Variants in SLC9A6 observed in about 807,000 individuals in gnomAD.
SLC9A6 encodes the protein solute carrier family 9 member A6.
SLC9A6 carries 6 observed loss-of-function variants against 45.3 expected under a neutral mutation model. That is an observed-to-expected ratio of 0.13 (90% CI 0.07 to 0.26). SLC9A6 has a LOEUF of 0.26. SLC9A6 is among the 10% of genes least tolerant of loss of function. The probability of loss-of-function intolerance (pLI) is 1.00; values close to 1 mark genes in which losing one functional copy is unlikely to be tolerated. For missense variants in SLC9A6, 278 were observed against 503.7 expected, an observed-to-expected ratio of 0.55 and a Z score of 4.29; for synonymous variants, 191 against 187.7, an observed-to-expected ratio of 1.02 and a Z score of -0.14.
chrX:135,976,151 C>T (rs1421387531), intron 1 of SLC9A6, among the ~76,000 whole-genome samples: 1 of 111,070 alleles, frequency 9.0e-6, no homozygotes, highest in African/African-American at 3.3e-5. Context: ...GAATTTTACA[C>T]AATACTTGAT....
chrX:136,017,995 C>A (rs1049694852), intron 11 of SLC9A6, among the ~76,000 whole-genome samples: 1 of 111,737 alleles, frequency 8.9e-6, no homozygotes, highest in Non-Finnish European at 1.9e-5. Context: ...TACAACATGG[C>A]TTCTTCCCCC....
intron 1 of SLC9A6, among the ~76,000 whole-genome samples, chrX:135,977,846 T>C (rs1203964519): frequency 8.9e-6 from 1 of 112,176 alleles, no homozygotes; most frequent in Non-Finnish European, 1.9e-5. Context: ...TGTGGTTACA[T>C]GATTCATATC....
At chrX:135,990,196 C>T (rs1371622755) in intron 2 of SLC9A6, among the ~76,000 whole-genome samples, 27 of 111,237 alleles carry the variant, frequency 2.4e-4, no homozygotes, top group African/African-American at 8.5e-4. Context: ...CTGTGTTAGC[C>T]AGGATGGTCT....
chrX:135,982,531 T>C (rs2089291725), upstream of SLC9A6, among the ~76,000 whole-genome samples: 1 of 108,630 alleles, frequency 9.2e-6, no homozygotes, highest in Non-Finnish European at 1.9e-5. Flanking sequence ...TCACCCAGTC[T>C]GGCCCAATAT....
At chrX:136,038,751 T>C (rs1254855588) in intron 16 of SLC9A6, among the ~76,000 whole-genome samples, 8 of 110,104 alleles carry the variant, frequency 7.3e-5, no homozygotes, top group African/African-American at 2.6e-4. Flanking sequence ...TTTTTTTCTT[T>C]TTTTAAAACC....
intron 3 of SLC9A6, among the ~76,000 whole-genome samples, chrX:135,996,023 C>CTTTTT (rs1167208674): frequency 3.6e-5 from 2 of 55,352 alleles, no homozygotes; most frequent in Non-Finnish European, 6.6e-5. Flanking sequence ...CAGGACTTGA[C>CTTTTT]TTTTTTTTTT....
intron 11 of SLC9A6, among the ~76,000 whole-genome samples, chrX:136,021,594 T>G (rs2071128083): frequency 8.9e-6 from 1 of 112,426 alleles, no homozygotes; most frequent in South Asian, 3.7e-4. Flanking sequence ...TGGCACGATC[T>G]CAGCTCACTG....
intron 5 of SLC9A6, 48 bp downstream of exon 5, chrX:135,998,606 T>G: frequency 1.1e-6 from 1 of 911,677 alleles, no homozygotes. Context: ...AATTATAATT[T>G]TAAAATAATA....
chrX:135,981,297 C>T (rs148627533), upstream of SLC9A6, among the ~76,000 whole-genome samples: 331 of 111,041 alleles, frequency 3.0e-3, 5 homozygotes, highest in East Asian at 0.022. Context: ...GAGGGGGAAA[C>T]GCCACACACT....
intron 14 of SLC9A6, chrX:136,029,919 C>T (rs2071290300): frequency 2.3e-6 from 1 of 431,999 alleles, no homozygotes; most frequent in East Asian, 3.9e-5. Flanking sequence ...GGAAGAGAAT[C>T]ATGGGTACAC....
intron 2 of SLC9A6, 90 bp from the exon 3 acceptor site, chrX:135,994,696 A>G (rs2089475104): frequency 1.2e-6 from 1 of 856,901 alleles, no homozygotes; most frequent in Non-Finnish European, 1.7e-6. Flanking sequence ...GAACTACCGT[A>G]AGAGATTTTC....
Position 136,024,208 on chromosome X carries a change from A to G in SLC9A6, c.1307-122A>G, listed in dbSNP as rs191051650. 552 of 701,373 alleles carry G rather than the reference A, an allele frequency of 7.9e-4. 1 individual carries two copies. The highest frequency in any genetic ancestry group is 9.4e-4 in the Non-Finnish European group (418 of 445,738). 57.8% of individuals were successfully genotyped at this position (701,373 alleles called of 1,213,427 possible). A position where few individuals can be genotyped will look rare whatever the true frequency, so the allele number is the denominator to read the frequency against. On this transcript the variant is annotated intron_variant, in intron 12 of 17. Coordinates refer to ENST00000630721, the MANE Select transcript of SLC9A6 (RefSeq NM_001379110.1). ...AGCCTGGACATATTTAAGTATGTTA[A>G]TATTTACTGCATATTTGTTCACATG...
intron 17 of SLC9A6, among the ~76,000 whole-genome samples, chrX:136,044,100 A>G (rs1488021615): frequency 8.9e-6 from 1 of 112,042 alleles, no homozygotes; most frequent in East Asian, 2.8e-4. Flanking sequence ...AGCTCAAGGA[A>G]GACTTCAGAG....
At chrX:135,974,018 A>T, upstream of SLC9A6, 1 of 591,087 alleles carries the variant, frequency 1.7e-6, no homozygotes. Context: ...GGGCAGGGCC[A>T]GTGGCGAGAA....
At chrX:135,996,827 CGTG>C (rs2089504672) in intron 3 of SLC9A6, among the ~76,000 whole-genome samples, 1 of 109,941 alleles carries the variant, frequency 9.1e-6, no homozygotes. Context: ...AGTGCAGTGG[CGTG>C]ATCTCGGCTC....
intron 10 of SLC9A6, 31 bp from the exon 11 acceptor site, chrX:136,016,614 G>C: frequency 1.3e-6 from 1 of 761,821 alleles, no homozygotes; most frequent in South Asian, 2.1e-5. Context: ...AACTTTATTT[G>C]CTGGACTAAT....
intron 8 of SLC9A6, 29 bp from the exon 9 acceptor site, chrX:136,012,920 G>A: frequency 1.9e-6 from 2 of 1,058,311 alleles, no homozygotes; most frequent in Non-Finnish European, 2.6e-6. Context: ...TGTGTTACAA[G>A]ATCTCATTAC....
chrX:136,005,480 A>G (rs2089642903), intron 7 of SLC9A6, among the ~76,000 whole-genome samples: 1 of 112,317 alleles, frequency 8.9e-6, no homozygotes, highest in Non-Finnish European at 1.9e-5. Flanking sequence ...CAGGAGTTCG[A>G]GACCAGCCTG....
At chrX:136,024,280 T>C (rs1556620314) in intron 12 of SLC9A6, 50 bp from the exon 13 acceptor site, 2 of 1,175,298 alleles carry the variant, frequency 1.7e-6, no homozygotes, top group East Asian at 5.9e-5. Context: ...TTTATGAAGC[T>C]TGCATTGGTA....
Sources: gnomAD v4.1 joint callset for allele counts (sites outside exome capture counted in the v4.1 genomes callset) on GRCh38, gnomAD v4.1.1 for gene constraint, MANE v1.5 for transcripts, NCBI Gene and HGNC (gene_info 2026-07-23, HGNC 2026-07-21) for gene names.